ATXN2: variants seen among roughly 807,000 people sequenced by gnomAD.
The protein encoded by ATXN2 is ataxin 2.
In ATXN2, 37 loss-of-function variants were observed where a neutral mutation model predicts 138.6. That is an observed-to-expected ratio of 0.27 (90% confidence interval 0.21 to 0.35). The LOEUF is 0.35. ATXN2 is among the 10% of genes least tolerant of loss of function. The pLI is 1.00. For synonymous variants in ATXN2, 549 were observed against 543.7 expected (o/e 1.01, Z -0.13); for missense variants, 1,216 against 1,480.3 (o/e 0.82, Z 2.93).
intron 6 of ATXN2, among the ~76,000 whole-genome samples, chr12:111,524,119 C>A (rs1165639490): frequency 6.6e-6 from 1 of 152,166 alleles, no homozygotes; most frequent in African/African-American, 2.4e-5. Flanking sequence ...ATTTTTCATA[C>A]AGGTGACGTG....
chr12:111,466,903 A>C (rs1459365681), intron 20 of ATXN2, among the ~76,000 whole-genome samples: 1 of 151,994 alleles, frequency 6.6e-6, no homozygotes, highest in Non-Finnish European at 1.5e-5. Context: ...ATTTATGACA[A>C]TATATTTAAT....
chr12:111,533,149 C>T (rs1161424079), intron 5 of ATXN2, among the ~76,000 whole-genome samples: 2 of 152,176 alleles, frequency 1.3e-5, no homozygotes, highest in African/African-American at 2.4e-5. Flanking sequence ...GATGCTACAA[C>T]GCCGTGGAGG....
chr12:111,453,380 T>C lies in ATXN2; in HGVS notation c.3439+297A>G. 1 of 1,157,430 alleles carries C rather than the reference T, an allele frequency of 8.6e-7. No homozygotes were observed. The highest frequency in any genetic ancestry group is 1.1e-6 in the Non-Finnish European group (1 of 939,478). 71.7% of individuals were successfully genotyped at this position (1,157,430 alleles called of 1,614,324 possible). Reference sequence around the variant, plus strand: ...AAGGAAAACACTGCCCTGTCCAGCCTGTCATAACAAGGAAGGCCAACTGAG... The same window carrying C: ...AAGGAAAACACTGCCCTGTCCAGCCCGTCATAACAAGGAAGGCCAACTGAG... On this transcript the variant is annotated intron_variant, in intron 24 of 24. Transcript: ENST00000673436. The surrounding 1 kb of genome is among the most constrained non-coding windows in gnomAD (Gnocchi z 5.4).
Position 111,456,187 on chromosome 12 carries a change from C to G in ATXN2, c.3112G>C (p.Ala1038Pro). The change falls in exon 23 of 25, where the codon GCG (alanine) becomes CCG (proline). Residue 1038 changes from alanine to proline, a missense_variant. Ala to Pro is a conservative substitution (Grantham distance 27, BLOSUM62 -1). This residue lies in a region of ATXN2 where 490 missense variants were observed against 653.5 expected (regional missense o/e 0.75). Coordinates refer to ENST00000673436, the MANE Select transcript of ATXN2 (RefSeq NM_001372574.1). ...GAGGGTGGAGTTGGCGCAAGCCCCG[C>G]GTGGTAAATGGCTGACTGCTGCTGT... ...SPQQQSAIYHAGLAPTPPSMT... is the reference protein window; with the variant it reads ...SPQQQSAIYHPGLAPTPPSMT... The G allele has an allele frequency of 6.2e-7, 1 of 1,614,234 alleles. No homozygotes were observed. The highest frequency in any genetic ancestry group is 8.5e-7 in the Non-Finnish European group (1 of 1,180,048).
intron 1 of ATXN2, among the ~76,000 whole-genome samples, chr12:111,576,944 C>A (rs1209543176): frequency 1.3e-5 from 2 of 151,702 alleles, no homozygotes; most frequent in African/African-American, 4.8e-5. Flanking sequence ...GGCGACAGAG[C>A]GAGACTCCGT....
At chr12:111,507,482 G>A (rs958528164) in intron 14 of ATXN2, among the ~76,000 whole-genome samples, 17 of 151,916 alleles carry the variant, frequency 1.1e-4, no homozygotes, top group East Asian at 3.9e-4. Context: ...CAACCCGTCC[G>A]GGAGGGAGGT....
At chr12:111,460,898 T>C (rs189973565) in intron 21 of ATXN2, among the ~76,000 whole-genome samples, 5 of 152,282 alleles carry the variant, frequency 3.3e-5, no homozygotes, top group Admixed American at 3.3e-4. Context: ...TTTGCATGCA[T>C]AGCACAAATA....
At chr12:111,584,396 A>G (rs1206752180) in intron 1 of ATXN2, among the ~76,000 whole-genome samples, 1 of 147,068 alleles carries the variant, frequency 6.8e-6, no homozygotes, top group South Asian at 2.1e-4. Context: ...AAAAAAAAAA[A>G]AAAAAAAAAA....
At chr12:111,524,515 C>A (rs980062803) in intron 6 of ATXN2, among the ~76,000 whole-genome samples, 4 of 152,094 alleles carry the variant, frequency 2.6e-5, no homozygotes, top group Admixed American at 6.5e-5. Context: ...AGGCTGGACT[C>A]CAACTCCTGG....
intron 1 of ATXN2, among the ~76,000 whole-genome samples, chr12:111,586,247 C>T (rs1278291907): frequency 6.7e-6 from 1 of 149,908 alleles, no homozygotes; most frequent in East Asian, 2.0e-4. Flanking sequence ...GACAGAGTCT[C>T]ACTCTGCTCT....
intron 14 of ATXN2, among the ~76,000 whole-genome samples, chr12:111,493,734 T>A (rs549709545): frequency 1.3e-5 from 2 of 152,148 alleles, no homozygotes; most frequent in South Asian, 4.2e-4. Flanking sequence ...GTTCAAGCGA[T>A]TCTCCTGCCT....
At chr12:111,483,264 G>C (rs1180454823) in intron 18 of ATXN2, among the ~76,000 whole-genome samples, 8 of 146,412 alleles carry the variant, frequency 5.5e-5, no homozygotes, top group Admixed American at 5.5e-4. Context: ...ACACATTGAG[G>C]AAATCTTATT....
chr12:111,565,594 G>A (rs1457356048), intron 1 of ATXN2, among the ~76,000 whole-genome samples: 4 of 152,124 alleles, frequency 2.6e-5, no homozygotes, highest in African/African-American at 9.7e-5. Context: ...ATATAAGACA[G>A]CAATCTTAAT....
At chr12:111,544,923 G>A (rs1251395378) in intron 5 of ATXN2, among the ~76,000 whole-genome samples, 1 of 152,142 alleles carries the variant, frequency 6.6e-6, no homozygotes, top group Non-Finnish European at 1.5e-5. Context: ...ACTTTGGGAG[G>A]CCGAGGCAGA....
chr12:111,598,838 G>C lies in ATXN2; in HGVS notation c.197C>G (p.Ala66Gly). The C allele has an allele frequency of 6.8e-7, 1 of 1,469,354 alleles. No individual in the cohort carries two copies. The highest frequency in any genetic ancestry group is 9.0e-7 in the Non-Finnish European group (1 of 1,116,490). 91.0% of individuals were successfully genotyped at this position (1,469,354 alleles called of 1,614,324 possible). A position where few individuals can be genotyped will look rare whatever the true frequency, so the allele number is the denominator to read the frequency against. ...SSSVSSSSAT[A>G]PSSVVAATSG... ...GGTCGCCGCGACCACCGAGGAGGGA[G>C]CCGTGGCCGAGGACGAGGAGACCGA... The change falls in exon 1 of 25, where the codon GCT (alanine) becomes GGT (glycine). Residue 66 changes from alanine to glycine, a missense_variant. By Grantham distance (60) the Ala-to-Gly change is moderately conservative. Around this residue, in one of 4 missense-constraint regions of ATXN2, gnomAD observed 110 missense variants for 88.7 expected, o/e 1.24. Coordinates refer to ENST00000673436, the MANE Select transcript of ATXN2 (RefSeq NM_001372574.1). The surrounding 1 kb of genome is among the most constrained non-coding windows in gnomAD (Gnocchi z 4.5).
intron 5 of ATXN2, among the ~76,000 whole-genome samples, chr12:111,542,679 C>T (rs1449848896): frequency 6.6e-6 from 1 of 152,076 alleles, no homozygotes; most frequent in Admixed American, 6.6e-5. Context: ...GTTGCCAAGG[C>T]GAGTCTTGAA....
intron 1 of ATXN2, among the ~76,000 whole-genome samples, chr12:111,576,024 G>GT (rs553684629): frequency 1.8e-4 from 27 of 152,094 alleles, no homozygotes; most frequent in Non-Finnish European, 3.5e-4. Flanking sequence ...GGAGGTTGCA[G>GT]TAAGCCGAGA....
intron 21 of ATXN2, among the ~76,000 whole-genome samples, chr12:111,464,247 G>GGTGTGTGT (rs57717176): frequency 0.073 from 9,770 of 134,180 alleles, 380 homozygotes; most frequent in Non-Finnish European, 0.085. Context: ...TGTGGCTTGG[G>GGTGTGTGT]GTGTGTGTGT....
chr12:111,494,282 C>T (rs2135709596), intron 14 of ATXN2, among the ~76,000 whole-genome samples: 1 of 152,128 alleles, frequency 6.6e-6, no homozygotes, highest in Middle Eastern at 3.4e-3. Flanking sequence ...ATAAAAACAA[C>T]AAAAGTTAAA....
Sources: allele counts gnomAD v4.1 joint callset (sites outside exome capture counted in the v4.1 genomes callset), GRCh38; gene constraint gnomAD v4.1.1; regional missense constraint gnomAD v4.1.1; non-coding constraint Gnocchi (gnomAD v3.1); transcripts MANE v1.5; gene names NCBI Gene and HGNC (gene_info 2026-07-23, HGNC 2026-07-21).